The following ZNF451 variants were observed in gnomAD, a reference collection of about 807,000 sequenced individuals.
ZNF451 encodes zinc finger protein 451.
Under a neutral mutation model 107.1 loss-of-function variants are expected in ZNF451, and 80 were observed. The observed-to-expected ratio is 0.75, with a 90% CI of 0.62 to 0.90. The LOEUF (loss-of-function observed/expected upper bound fraction) is 0.90, where lower values mean the gene tolerates loss of function less well. Among genes scored for constraint, ZNF451 ranks in the 40% least tolerant of loss-of-function variants. The pLI, the probability that ZNF451 is intolerant of heterozygous loss-of-function variation, is 0.00. For synonymous variants in ZNF451, 362 were observed against 406.5 expected, an observed-to-expected ratio of 0.89 and a Z score of 1.32; for missense variants, 1,107 against 1,236.2, an observed-to-expected ratio of 0.90 and a Z score of 1.57.
intron 3 of ZNF451, 87 bp downstream of exon 3, chr6:57,099,228 T>C: frequency 9.1e-7 from 1 of 1,100,214 alleles, no homozygotes; most frequent in South Asian, 1.3e-5. Flanking sequence ...CAGGGAAGGC[T>C]GTGTTTAGAA....
At chr6:57,103,844 A>C (rs976969395) in intron 3 of ZNF451, 1 of 985,184 alleles carries the variant, frequency 1.0e-6, no homozygotes, top group Non-Finnish European at 1.2e-6. Context: ...TTGGAAGCTC[A>C]TTCCTCCTCC....
chr6:57,130,352 A>T (rs529927390), intron 5 of ZNF451, among the ~76,000 whole-genome samples: 1 of 152,274 alleles, frequency 6.6e-6, no homozygotes, highest in African/African-American at 2.4e-5. Flanking sequence ...TAGTTTTAAA[A>T]ATCCCTCTTC....
At chr6:57,150,986 T>G (rs1196081555) in intron 11 of ZNF451, 124 bp downstream of exon 11, 2 of 1,183,690 alleles carry the variant, frequency 1.7e-6, no homozygotes, top group Non-Finnish European at 2.4e-6. Context: ...TATTGTTCTT[T>G]TGTATTATAG....
At chr6:57,159,466 A>C (rs1425688787) in intron 13 of ZNF451, 2 of 845,372 alleles carry the variant, frequency 2.4e-6, no homozygotes, top group Non-Finnish European at 2.8e-6. Flanking sequence ...CATGTGGCCC[A>C]GTTCAGCTTT....
chr6:57,151,659 T>G (rs547812813), intron 11 of ZNF451, among the ~76,000 whole-genome samples: 2 of 152,362 alleles, frequency 1.3e-5, no homozygotes, highest in East Asian at 3.9e-4. Flanking sequence ...CGGTTCATCC[T>G]TGCTGTTCTT....
intron 2 of ZNF451, chr6:57,092,814 G>A (rs907855614): frequency 6.6e-6 from 1 of 152,108 alleles, no homozygotes; most frequent in African/African-American, 2.4e-5. Context: ...GTTATTCTGT[G>A]ATTTGTAGAA....
rs147004118 is a variant in ZNF451, at chr6:57,141,971, A to G, written c.880A>G (p.Ile294Val). Residue 294 changes from isoleucine (I) to valine (V), a missense_variant, in exon 9 of 15, where the codon ATA (isoleucine) becomes GTA (valine). Around this residue, in one of 5 missense-constraint regions of ZNF451, gnomAD observed 339 missense variants for 372.8 expected, o/e 0.91. Coordinates refer to ENST00000370706, the MANE Select transcript of ZNF451 (RefSeq NM_001031623.3). ...LGDNKGIAHP[I>V]SFPSFAKKLL... is the part of the protein sequence containing the mutation. ...AGATAACAAAGGAATTGCACATCCAATATCTTTCCCATCTTTTGCAAAGAA... is the reference window on the plus strand; with the variant it reads ...AGATAACAAAGGAATTGCACATCCAGTATCTTTCCCATCTTTTGCAAAGAA... 8 of 1,613,854 alleles carry G rather than the reference A, an allele frequency of 5.0e-6. No individual in the cohort carries two copies. In the African/African-American group the frequency reaches 5.3e-5, roughly 11 times the overall value.
chr6:57,091,649 T>C (rs1829051857), intron 2 of ZNF451, among the ~76,000 whole-genome samples: 1 of 152,194 alleles, frequency 6.6e-6, no homozygotes. Context: ...CTTCCATAAT[T>C]ATTGGAGTTT....
chr6:57,148,036 T>C lies in ZNF451; in HGVS notation c.1951T>C (p.Leu651=). 7 of 1,614,080 alleles carry C rather than the reference T, an allele frequency of 4.3e-6. No individual in the cohort carries two copies. Among genetic ancestry groups the C allele is most frequent in the Non-Finnish European group, 4.2e-6 (5 of 1,179,960 alleles). Reference sequence around the variant, plus strand: ...AAAGCCTTTTCATAAGATAGAAACATTGTACCGACATTGCCAAGATGAGCA... The same window carrying C: ...AAAGCCTTTTCATAAGATAGAAACACTGTACCGACATTGCCAAGATGAGCA... ...CRKPFHKIET[L]YRHCQDEHDN... Residue 651 remains leucine (L), a synonymous_variant, in exon 10 of 15, where the codon TTG becomes CTG. Coordinates refer to ENST00000370706, the MANE Select transcript of ZNF451 (RefSeq NM_001031623.3).
In ZNF451 at chr6:57,147,760, TA is replaced by T. The variant is rs1488903344; in HGVS notation, c.1676del (p.Tyr559PhefsTer8). On this transcript the variant is annotated frameshift_variant, in exon 10 of 15. Transcript: ENST00000370706. LOFTEE classifies it high-confidence loss of function. ...HVTEFHNGHR[Y>X]FYEMDEVEGE... ...GACTGAATTTCATAATGGACACAGATATTTTTATGAGATGGATGAGGTAGAA... is the reference window on the plus strand; with the variant it reads ...GACTGAATTTCATAATGGACACAGATTTTTTATGAGATGGATGAGGTAGAA... The T allele has an allele frequency of 6.2e-7, 1 of 1,613,878 alleles. No individual in the cohort carries two copies.
In ZNF451 at chr6:57,090,237, G is replaced by A; in HGVS notation, c.-17G>A. 1 of 1,610,118 alleles carries A rather than the reference G, an allele frequency of 6.2e-7. No homozygotes were observed. Among genetic ancestry groups the A allele is most frequent in the South Asian group, 1.1e-5 (1 of 90,158 alleles). ...GACAGCAGGAGCAGTGGTGCTGTCA[G>A]CGCGGCCGTCGGAGACATGGGAGAC... On this transcript the variant is annotated 5_prime_UTR_variant, in exon 1 of 15. Transcript: ENST00000370706.
chr6:57,148,660 G>A lies in ZNF451; in HGVS notation c.2575G>A (p.Gly859Arg). 6.2e-7 allele frequency: 1 copy of A among 1,612,768 alleles called. No homozygotes were observed. Among genetic ancestry groups the A allele is most frequent in the Middle Eastern group, 1.7e-4 (1 of 6,060 alleles). ...TTCAAAAAGTTTAGACATGGAGAAA[G>A]GAGTTGAGAATGACCTAAGCTATCA... ...NYSKSLDMEKGVENDLSYQNI... is the reference protein window; with the variant it reads ...NYSKSLDMEKRVENDLSYQNI... The change falls in exon 10 of 15, where the codon GGA becomes AGA. Residue 859 changes from glycine to arginine, a missense_variant. This residue lies in a region of ZNF451 where 608 missense variants were observed against 649.2 expected (regional missense o/e 0.94). Transcript: ENST00000370706.
chr6:57,163,465 T>TTTTTTTTTTTTTTTTTTTTTTTC (rs1763764702), intron 14 of ZNF451, among the ~76,000 whole-genome samples: 1 of 118,532 alleles, frequency 8.4e-6, no homozygotes, highest in Non-Finnish European at 1.8e-5. Context: ...TTTTTTTTTT[T>TTTTTTTTTTTTTTTTTTTTTTTC]TTTGAGACGG....
chr6:57,128,789 TCTG>T lies in ZNF451; in HGVS notation c.374_376del (p.Ser125_Asp126delinsTyr). The stretch of plus-strand genomic sequence containing the variant: ...AGAATTGGAATTTATTCGAGGACAT[TCTG>T]ATACAGAAGCAGCAAGACTGTGTGT... On this transcript the variant is annotated inframe_deletion, in exon 5 of 15. Coordinates refer to ENST00000370706, the MANE Select transcript of ZNF451 (RefSeq NM_001031623.3). 1 of 1,613,276 alleles carries T rather than the reference TCTG, an allele frequency of 6.2e-7. No individual in the cohort carries two copies. The highest frequency in any genetic ancestry group is 1.1e-5 in the South Asian group (1 of 90,990).
At chr6:57,141,533 T>C in intron 8 of ZNF451, 78 bp downstream of exon 8, 1 of 1,280,900 alleles carries the variant, frequency 7.8e-7, no homozygotes, top group South Asian at 1.7e-5. Flanking sequence ...AGATCATTCT[T>C]GAGATTACAT....
At chr6:57,107,464 T>G in intron 3 of ZNF451, 1 of 985,398 alleles carries the variant, frequency 1.0e-6, no homozygotes, top group Non-Finnish European at 1.2e-6. Flanking sequence ...AAATCAACTT[T>G]TAGTGCTACC....
At chr6:57,162,726 T>C (rs1763721641) in intron 14 of ZNF451, among the ~76,000 whole-genome samples, 1 of 152,222 alleles carries the variant, frequency 6.6e-6, no homozygotes, top group Admixed American at 6.5e-5. Context: ...GGCAAAATTA[T>C]AACTTTTAAA....
chr6:57,111,378 T>G lies in ZNF451; in HGVS notation c.186+12237T>G, dbSNP rs546163379. ...TTACTGTGGGGTTTTTTTGTTTTTTTTTTTTTGTTTTTTGTTTCTTGAGAC... is the reference window on the plus strand; with the variant it reads ...TTACTGTGGGGTTTTTTTGTTTTTTGTTTTTTGTTTTTTGTTTCTTGAGAC... On this transcript the variant is annotated intron_variant, in intron 3 of 14. Transcript: ENST00000370706. Among the ~76,000 whole-genome samples, 145 of 151,848 alleles carry G rather than the reference T, an allele frequency of 9.5e-4. 1 individual carries two copies. Among genetic ancestry groups the G allele is most frequent in the Non-Finnish European group, 1.4e-3 (94 of 67,926 alleles).
chr6:57,118,965 A>C (rs1447988501), intron 3 of ZNF451, among the ~76,000 whole-genome samples: 1 of 152,200 alleles, frequency 6.6e-6, no homozygotes, highest in African/African-American at 2.4e-5. Flanking sequence ...AGTAGTCAGA[A>C]AGTGAGCTGG....
Sources: gnomAD v4.1 joint callset for allele counts (sites outside exome capture counted in the v4.1 genomes callset) on GRCh38, gnomAD v4.1.1 for gene constraint, gnomAD v4.1.1 regional missense constraint, MANE v1.5 for transcripts, NCBI Gene and HGNC (gene_info 2026-07-23, HGNC 2026-07-21) for gene names.